Variants in PLCH1 observed in about 807,000 individuals in gnomAD.
PLCH1 encodes 1-phosphatidylinositol 4,5-bisphosphate phosphodiesterase eta-1.
In PLCH1, 60 loss-of-function variants were observed where a neutral mutation model predicts 126.7. The ratio of observed to expected loss-of-function variants is 0.47; its 90% CI spans 0.38 to 0.59. The LOEUF is 0.59. PLCH1 is among the 20% of genes least tolerant of loss of function. PLCH1 has a pLI of 0.00. For missense variants in PLCH1, 1,723 were observed against 2,040.0 expected (o/e 0.84, Z 2.99); for synonymous variants, 719 against 734.9 (o/e 0.98, Z 0.35).
At chr3:155,487,181 CA>C (rs1363465778) in intron 21 of PLCH1, 8 of 152,140 alleles carry the variant, frequency 5.3e-5, no homozygotes, top group African/African-American at 1.9e-4. Context: ...TAATATTAGC[CA>C]ACATTTCTGA....
intron 11 of PLCH1, 140 bp from the exon 12 acceptor site, chr3:155,515,024 C>T (rs1576880572): frequency 1.9e-6 from 1 of 527,686 alleles, no homozygotes. Context: ...GTTCATTGTA[C>T]CATCTCAGTC....
intron 21 of PLCH1, among the ~76,000 whole-genome samples, chr3:155,471,323 A>G (rs1391223162): frequency 1.3e-5 from 2 of 152,192 alleles, no homozygotes; most frequent in East Asian, 3.8e-4. Flanking sequence ...ATCAAAAGAG[A>G]CCAAGAAGGC....
At chr3:155,549,193 T>C (rs988400677) in intron 10 of PLCH1, among the ~76,000 whole-genome samples, 9 of 152,148 alleles carry the variant, frequency 5.9e-5, no homozygotes, top group African/African-American at 2.2e-4. Context: ...TAATATTTAT[T>C]GTAGTAAGCT....
At chr3:155,619,584 T>C (rs1736210835) in intron 2 of PLCH1, among the ~76,000 whole-genome samples, 1 of 151,696 alleles carries the variant, frequency 6.6e-6, no homozygotes, top group Non-Finnish European at 1.5e-5. Context: ...AAATCCCCTG[T>C]TGCTTTAAGG....
At chr3:155,533,917 C>G (rs1343866986) in intron 10 of PLCH1, among the ~76,000 whole-genome samples, 1 of 152,208 alleles carries the variant, frequency 6.6e-6, no homozygotes, top group Non-Finnish European at 1.5e-5. Context: ...GCACAGAAGT[C>G]AAGAACTGAG....
Position 155,492,854 on chromosome 3 carries a change from C to T in PLCH1, c.2183-1G>A. 6.3e-7 allele frequency: 1 copy of T among 1,589,450 alleles called. No homozygotes were observed. The highest frequency in any genetic ancestry group is 8.5e-7 in the Non-Finnish European group (1 of 1,169,698). On this transcript the variant is annotated splice_acceptor_variant, in intron 17 of 22. Transcript: ENST00000460012. LOFTEE classifies it high-confidence loss of function. ...TCACCAGAGAAAGGGTTGAAAGTACCTAGGCCAAGTAAAGTATAAGTTGGT... is the reference window on the plus strand; with the variant it reads ...TCACCAGAGAAAGGGTTGAAAGTACTTAGGCCAAGTAAAGTATAAGTTGGT...
chr3:155,626,662 A>T (rs1349667302), intron 2 of PLCH1, among the ~76,000 whole-genome samples: 1 of 150,984 alleles, frequency 6.6e-6, no homozygotes, highest in Non-Finnish European at 1.5e-5. Context: ...CCAGCTACTC[A>T]GGAGGCTGAA....
In PLCH1 at chr3:155,480,731, A is replaced by G; in HGVS notation, c.*237T>C. ...CACATCTAGGGCATGCACATATTTCATACTGATACAGTTTACAACAACTCA... is the reference window on the plus strand; with the variant it reads ...CACATCTAGGGCATGCACATATTTCGTACTGATACAGTTTACAACAACTCA... On this transcript the variant is annotated 3_prime_UTR_variant, in exon 23 of 23. Transcript: ENST00000460012. 2.1e-6 allele frequency: 1 copy of G among 476,046 alleles called. No homozygotes were observed. Among genetic ancestry groups the G allele is most frequent in the Non-Finnish European group, 3.7e-6 (1 of 268,392 alleles). The allele number at this position is 476,046 out of a possible 1,614,324, so 29.5% of individuals were successfully genotyped here. A position where few individuals can be genotyped will look rare whatever the true frequency, so the allele number is the denominator to read the frequency against.
intron 13 of PLCH1, among the ~76,000 whole-genome samples, chr3:155,504,141 G>C (rs1036705402): frequency 3.4e-4 from 52 of 152,044 alleles, no homozygotes; most frequent in African/African-American, 1.1e-3. Flanking sequence ...TTTGTGAACT[G>C]CCTGTTTAAG....
chr3:155,528,637 T>C (rs1722280378), intron 10 of PLCH1, among the ~76,000 whole-genome samples: 1 of 152,226 alleles, frequency 6.6e-6, no homozygotes, highest in South Asian at 2.1e-4. Context: ...TTAAATGTTC[T>C]ACAGAATAGA....
chr3:155,506,347 T>C lies in PLCH1; in HGVS notation c.1633-1721A>G, dbSNP rs867727722. Among the ~76,000 whole-genome samples the C allele has an allele frequency of 1.2e-3, 97 of 78,702 alleles. No homozygotes were observed. The Middle Eastern group carries it at 0.043, about 35-fold the overall frequency. The allele number at this position is 78,702 out of a possible 152,430, so 51.6% of individuals were successfully genotyped here. On this transcript the variant is annotated intron_variant, in intron 12 of 22. Coordinates refer to ENST00000460012, the MANE Select transcript of PLCH1 (RefSeq NM_014996.4). ...ATTTTCTATCCCATTCTCACTCTCTTTTTTTTTTTTTTTTTTTATTATACT... is the reference window on the plus strand; with the variant it reads ...ATTTTCTATCCCATTCTCACTCTCTCTTTTTTTTTTTTTTTTTATTATACT...
At chr3:155,606,946 C>T (rs1446666295) in intron 2 of PLCH1, among the ~76,000 whole-genome samples, 1 of 152,180 alleles carries the variant, frequency 6.6e-6, no homozygotes, top group Non-Finnish European at 1.5e-5. Flanking sequence ...CACCCTGTTC[C>T]TTAAAAGGCT....
At chr3:155,476,335 C>A (rs932750679), downstream of PLCH1, among the ~76,000 whole-genome samples, 4 of 152,070 alleles carry the variant, frequency 2.6e-5, no homozygotes, top group Admixed American at 1.3e-4. Flanking sequence ...CAGCTAGTAT[C>A]ATATTGAATG....
chr3:155,479,832 A>C (rs903962417), downstream of PLCH1: 1 of 152,198 alleles, frequency 6.6e-6, no homozygotes, highest in Non-Finnish European at 1.5e-5. Flanking sequence ...TGAGTGCTTT[A>C]ACTCAATAGT....
At chr3:155,600,367 G>A (rs1296689637) in intron 2 of PLCH1, among the ~76,000 whole-genome samples, 1 of 152,120 alleles carries the variant, frequency 6.6e-6, no homozygotes, top group Non-Finnish European at 1.5e-5. Context: ...AAAAATCATT[G>A]TCCACCCATG....
chr3:155,591,131 T>C (rs75118450), intron 4 of PLCH1, among the ~76,000 whole-genome samples: 1,831 of 152,340 alleles, frequency 0.012, 19 homozygotes, highest in Middle Eastern at 0.048. Flanking sequence ...TCAAGGATTA[T>C]GAGAGAGACT....
chr3:155,722,438 A>ACTGTGTGCT lies in PLCH1; in HGVS notation c.-40-18175_-40-18174insAGCACACAG, dbSNP rs1748023579. Among the ~76,000 whole-genome samples the ACTGTGTGCT allele has an allele frequency of 2.6e-5, 4 of 152,336 alleles. No individual in the cohort carries two copies. The South Asian group carries it at 6.2e-4, about 24-fold the overall frequency. Reference sequence around the variant, plus strand: ...TGGCCTCCCAAAGTGCTGGGATTACAGGCGTGAGCCACTGTGCCTGGCCTA... The same window carrying ACTGTGTGCT: ...TGGCCTCCCAAAGTGCTGGGATTACACTGTGTGCTGGCGTGAGCCACTGTGCCTGGCCTA... On this transcript the variant is annotated intron_variant, in intron 1 of 22. Coordinates refer to ENST00000460012, the MANE Select transcript of PLCH1 (RefSeq NM_014996.4).
chr3:155,477,564 T>A (rs933322160), downstream of PLCH1, among the ~76,000 whole-genome samples: 1 of 151,886 alleles, frequency 6.6e-6, no homozygotes, highest in Non-Finnish European at 1.5e-5. Context: ...AATCTAATAA[T>A]CTGATCAAAA....
intron 6 of PLCH1, among the ~76,000 whole-genome samples, chr3:155,572,395 T>G (rs747886659): frequency 6.6e-6 from 1 of 152,166 alleles, no homozygotes; most frequent in African/African-American, 2.4e-5. Flanking sequence ...CTGATTCCAG[T>G]CCTTTTCACA....
Sources: gnomAD v4.1 joint callset for allele counts (sites outside exome capture counted in the v4.1 genomes callset) on GRCh38, gnomAD v4.1.1 for gene constraint, MANE v1.5 for transcripts, NCBI Gene and HGNC (gene_info 2026-07-23, HGNC 2026-07-21) for gene names.